VWA8: variants seen among roughly 807,000 people sequenced by gnomAD.
The protein encoded by VWA8 is von Willebrand factor A domain-containing protein 8.
A neutral mutation model predicts 241.5 loss-of-function variants in VWA8; 221 were observed. The ratio of observed to expected loss-of-function variants is 0.91; its 90% CI spans 0.82 to 1.02. The LOEUF (loss-of-function observed/expected upper bound fraction) is 1.02, where lower values mean the gene tolerates loss of function less well. Ranked by LOEUF, VWA8 falls within the 50% of genes least tolerant of loss-of-function variation. The pLI, the probability that VWA8 is intolerant of heterozygous loss-of-function variation, is 0.00. For synonymous variants in VWA8, 852 were observed against 827.1 expected, an observed-to-expected ratio of 1.03 and a Z score of -0.52; for missense variants, 2,322 against 2,328.7, an observed-to-expected ratio of 1.00 and a Z score of 0.06.
chr13:41,649,966 TG>T (rs1349009136), intron 37 of VWA8, among the ~76,000 whole-genome samples: 1 of 152,204 alleles, frequency 6.6e-6, no homozygotes, highest in Non-Finnish European at 1.5e-5. Flanking sequence ...GATTGTTCAT[TG>T]TAATTTACGT....
chr13:41,674,224 T>C (rs1366627526), intron 36 of VWA8, among the ~76,000 whole-genome samples: 4 of 152,168 alleles, frequency 2.6e-5, no homozygotes, highest in African/African-American at 9.7e-5. Flanking sequence ...GAGTTATTTG[T>C]GCTATCATGC....
At chr13:41,946,413 T>G (rs1054009236) in intron 2 of VWA8, among the ~76,000 whole-genome samples, 1 of 152,180 alleles carries the variant, frequency 6.6e-6, no homozygotes, top group Non-Finnish European at 1.5e-5. Flanking sequence ...TTTGTAACTC[T>G]TTTCTTCTAC....
chr13:41,596,599 C>A (rs1000324960), intron 40 of VWA8, among the ~76,000 whole-genome samples: 1 of 151,946 alleles, frequency 6.6e-6, no homozygotes, highest in Non-Finnish European at 1.5e-5. Context: ...TACATAAATT[C>A]ACACTAATGA....
chr13:41,618,478 TTTAGATCCCA>T (rs1483241042), intron 37 of VWA8, among the ~76,000 whole-genome samples: 3 of 152,128 alleles, frequency 2.0e-5, no homozygotes, highest in Admixed American at 6.5e-5. Context: ...CTTTAGTTTA[TTTAGATCCCA>T]TTTGTCTATT....
At chr13:41,609,044 T>A (rs756365086) in intron 39 of VWA8, among the ~76,000 whole-genome samples, 6 of 152,336 alleles carry the variant, frequency 3.9e-5, no homozygotes, top group Non-Finnish European at 1.5e-5. Context: ...ATTACTTGTA[T>A]GCACGTGTGT....
intron 12 of VWA8, among the ~76,000 whole-genome samples, chr13:41,842,199 A>C (rs1475336396): frequency 1.3e-5 from 2 of 152,164 alleles, no homozygotes; most frequent in Admixed American, 6.5e-5. Flanking sequence ...TGAAATAGAA[A>C]TGAAGCCATT....
Position 41,699,107 on chromosome 13 carries a change from A to T in VWA8, c.3528T>A (p.Ser1176Arg), listed in dbSNP as rs1007788671. The change falls in exon 29 of 45, where the codon AGT (serine) becomes AGA (arginine). Residue 1176 changes from serine to arginine, a missense_variant. Physicochemically the swap from Ser to Arg is moderately radical, Grantham distance 110. Transcript: ENST00000379310. Reference sequence around the variant, plus strand: ...GGAGAACCACTTGACCTTTGAGAGGACTTCCCAGCGGTGCCACTGTCACAA... The same window carrying T: ...GGAGAACCACTTGACCTTTGAGAGGTCTTCCCAGCGGTGCCACTGTCACAA... Reference protein sequence around the residue: ...HPFVTVAPLGSPLKGQVVLHE... With the variant: ...HPFVTVAPLGRPLKGQVVLHE... 1 of 1,613,776 alleles carries T rather than the reference A, an allele frequency of 6.2e-7. No individual in the cohort carries two copies. The highest frequency in any genetic ancestry group is 8.5e-7 in the Non-Finnish European group (1 of 1,179,904).
chr13:41,637,080 A>G (rs2044762963), intron 37 of VWA8, among the ~76,000 whole-genome samples: 1 of 151,174 alleles, frequency 6.6e-6, no homozygotes, highest in Non-Finnish European at 1.5e-5. Context: ...TACCCAAAGG[A>G]CTATAAATCA....
At chr13:41,699,401 T>C in intron 28 of VWA8, 131 bp from the exon 29 acceptor site, 1 of 848,934 alleles carries the variant, frequency 1.2e-6, no homozygotes, top group East Asian at 2.6e-5. Flanking sequence ...ATTTGTATCA[T>C]GGCTTGATTA....
At chr13:41,791,115 T>C (rs866244387) in intron 17 of VWA8, among the ~76,000 whole-genome samples, 1 of 128,426 alleles carries the variant, frequency 7.8e-6, no homozygotes, top group Non-Finnish European at 1.7e-5. Flanking sequence ...ATAAAATGAG[T>C]TTTTTTTTTA....
chr13:41,895,831 C>CTTTTTTTT (rs59080554), intron 4 of VWA8, among the ~76,000 whole-genome samples: 3 of 130,024 alleles, frequency 2.3e-5, no homozygotes, highest in Non-Finnish European at 3.2e-5. Context: ...TGCAAATTTT[C>CTTTTTTTT]TTTTTTTTTT....
At chr13:41,857,572 ATGAG>A (rs1317710000) in intron 12 of VWA8, among the ~76,000 whole-genome samples, 2 of 152,238 alleles carry the variant, frequency 1.3e-5, no homozygotes, top group African/African-American at 2.4e-5. Flanking sequence ...TTTTACAAGT[ATGAG>A]TAACACTAAA....
chr13:41,886,633 A>G, intron 7 of VWA8, 148 bp downstream of exon 7: 4 of 663,480 alleles, frequency 6.0e-6, no homozygotes, highest in Non-Finnish European at 1.0e-5. Context: ...AAGATATCTT[A>G]TTAATTTTAT....
At chr13:41,739,051 G>A (rs574851176) in intron 21 of VWA8, among the ~76,000 whole-genome samples, 2 of 152,190 alleles carry the variant, frequency 1.3e-5, no homozygotes, top group East Asian at 3.9e-4. Flanking sequence ...GACTTTCTAT[G>A]GTCTTTTATT....
In VWA8 at chr13:41,590,703, C is replaced by T. The variant is rs1350468991; in HGVS notation, c.5049G>A (p.Lys1683=). 6.2e-7 allele frequency: 1 copy of T among 1,614,094 alleles called. No homozygotes were observed. Among genetic ancestry groups the T allele is most frequent in the South Asian group, 1.1e-5 (1 of 91,082 alleles). ...TTTCTCCAGTCAGCCCATCAATGAT[C>T]TTGGCATCATCTAATTCTCCAGTAG... ...HQATGELDDA[K]IIDGLTGEKA... The change falls in exon 41 of 45, where the codon AAG becomes AAA. Residue 1683 remains lysine (K), a synonymous_variant. Coordinates refer to ENST00000379310, the MANE Select transcript of VWA8 (RefSeq NM_015058.2).
At chr13:41,649,640 T>C (rs1347465442) in intron 37 of VWA8, among the ~76,000 whole-genome samples, 1 of 150,558 alleles carries the variant, frequency 6.6e-6, no homozygotes, top group East Asian at 1.9e-4. Flanking sequence ...GATTGTTTTT[T>C]CATTTCCAAA....
At chr13:41,602,031 T>C (rs1279909960) in intron 40 of VWA8, among the ~76,000 whole-genome samples, 1 of 152,078 alleles carries the variant, frequency 6.6e-6, no homozygotes, top group African/African-American at 2.4e-5. Context: ...TGGCAGAAGA[T>C]GGCAAAATGG....
intron 44 of VWA8, among the ~76,000 whole-genome samples, chr13:41,569,048 T>C (rs1262375038): frequency 1.3e-5 from 2 of 152,250 alleles, no homozygotes; most frequent in Non-Finnish European, 2.9e-5. Flanking sequence ...TAAGACACAG[T>C]TCTCTTCAAA....
chr13:41,887,873 A>G (rs1442030472), intron 5 of VWA8, among the ~76,000 whole-genome samples: 3 of 152,282 alleles, frequency 2.0e-5, no homozygotes, highest in Non-Finnish European at 4.4e-5. Context: ...AACTTTCACC[A>G]GAATCCAATA....
Sources: gnomAD v4.1 joint callset for allele counts (sites outside exome capture counted in the v4.1 genomes callset) on GRCh38, gnomAD v4.1.1 for gene constraint, MANE v1.5 for transcripts, NCBI Gene and HGNC (gene_info 2026-07-23, HGNC 2026-07-21) for gene names.